The following FHIT variants were observed in gnomAD, a reference collection of about 807,000 sequenced individuals.
FHIT encodes fragile histidine triad diadenosine triphosphatase.
FHIT carries 19 observed loss-of-function variants against 17.9 expected under a neutral mutation model. The ratio of observed to expected loss-of-function variants is 1.06; its 90% CI spans 0.74 to 1.56. The LOEUF is 1.56. FHIT is among the 40% of genes most tolerant of loss of function. The pLI is 0.00. For synonymous variants in FHIT, 81 were observed against 69.7 expected, an observed-to-expected ratio of 1.16 and a Z score of -0.81; for missense variants, 248 against 189.2, an observed-to-expected ratio of 1.31 and a Z score of -1.82.
chr3:60,345,644 G>A (rs1057027515), intron 5 of FHIT, among the ~76,000 whole-genome samples: 8 of 152,120 alleles, frequency 5.3e-5, no homozygotes, highest in Admixed American at 3.3e-4. Context: ...GTAGACTATC[G>A]TCTCAAGATA....
chr3:60,610,417 A>C (rs909101757), intron 4 of FHIT, among the ~76,000 whole-genome samples: 1 of 152,176 alleles, frequency 6.6e-6, no homozygotes, highest in Non-Finnish European at 1.5e-5. Context: ...TGATATGATC[A>C]CCCTGAATGT....
At chr3:60,750,112 T>C (rs2042436846) in intron 4 of FHIT, among the ~76,000 whole-genome samples, 1 of 152,122 alleles carries the variant, frequency 6.6e-6, no homozygotes, top group African/African-American at 2.4e-5. Flanking sequence ...ATCTGACTCA[T>C]GCCTTCATGG....
chr3:60,934,190 G>C (rs1553772553), intron 3 of FHIT, among the ~76,000 whole-genome samples: 1 of 152,080 alleles, frequency 6.6e-6, no homozygotes, highest in Admixed American at 6.6e-5. Context: ...AGAAATCTAG[G>C]CTTTTGCAGT....
At chr3:60,534,403 G>T (rs1267196099) in intron 5 of FHIT, among the ~76,000 whole-genome samples, 1 of 120,070 alleles carries the variant, frequency 8.3e-6, no homozygotes, top group African/African-American at 3.1e-5. Context: ...ACTGCAGTCC[G>T]CAGTCCGGCC....
At chr3:61,092,471 C>G (rs1028011971) in intron 2 of FHIT, among the ~76,000 whole-genome samples, 1 of 151,488 alleles carries the variant, frequency 6.6e-6, no homozygotes, top group East Asian at 1.9e-4. Context: ...CAAAAAGGCC[C>G]CAGAGCTCTA....
intron 4 of FHIT, among the ~76,000 whole-genome samples, chr3:60,740,879 T>C (rs1363944840): frequency 3.9e-5 from 6 of 152,244 alleles, no homozygotes; most frequent in Admixed American, 1.3e-4. Flanking sequence ...TTAGTCACCA[T>C]GAACCAACTC....
chr3:60,125,580 C>T (rs866506744), intron 5 of FHIT, among the ~76,000 whole-genome samples: 1 of 146,606 alleles, frequency 6.8e-6, no homozygotes. Context: ...TGCAGTGAGC[C>T]AAGATCATGC....
intron 5 of FHIT, among the ~76,000 whole-genome samples, chr3:60,035,050 T>C (rs1324002630): frequency 1.3e-5 from 2 of 152,176 alleles, no homozygotes; most frequent in Non-Finnish European, 2.9e-5. Context: ...GATAAAAAGA[T>C]AACACAGAGC....
At chr3:60,661,036 C>A (rs1371900981) in intron 4 of FHIT, among the ~76,000 whole-genome samples, 3 of 151,732 alleles carry the variant, frequency 2.0e-5, no homozygotes, top group Admixed American at 6.6e-5. Context: ...TCTAAGGACA[C>A]TTTGGTTTGT....
At chr3:60,825,064 G>T (rs1480885577) in intron 3 of FHIT, among the ~76,000 whole-genome samples, 6 of 152,146 alleles carry the variant, frequency 3.9e-5, no homozygotes, top group African/African-American at 1.2e-4. Context: ...TGTTGTCCAA[G>T]ATATGAGAAA....
At chr3:60,009,765 A>G (rs1034717514) in intron 7 of FHIT, among the ~76,000 whole-genome samples, 4 of 152,160 alleles carry the variant, frequency 2.6e-5, no homozygotes, top group Non-Finnish European at 2.9e-5. Flanking sequence ...CCCTAAAAGA[A>G]CCTGTATCCA....
chr3:60,839,862 AAAAT>A (rs1242168804), intron 3 of FHIT, among the ~76,000 whole-genome samples: 1 of 152,252 alleles, frequency 6.6e-6, no homozygotes, highest in Non-Finnish European at 1.5e-5. Context: ...AACACAGAAA[AAAAT>A]AAACAGAAGA....
In FHIT at chr3:61,026,841, T is replaced by A. The variant is rs115271091; in HGVS notation, c.-111+15206A>T. On this transcript the variant is annotated intron_variant, in intron 3 of 9. Coordinates refer to ENST00000492590, the MANE Select transcript of FHIT (RefSeq NM_002012.4). ...AAAAAGCAGAGCTAGAATTCAAACC[T>A]CACCTTCCCACATCCTAGCTCTGAT... Among the ~76,000 whole-genome samples the A allele has an allele frequency of 8.2e-3, 1,250 of 152,198 alleles. 22 individuals are homozygous for A. The highest frequency in any genetic ancestry group is 0.028 in the African/African-American group (1,159 of 41,550).
rs139402023 is a variant in FHIT, at chr3:60,548,129, ACGAGAGAGAGAGAG to A, written c.-17-11164_-17-11151del. Among the ~76,000 whole-genome samples the A allele has an allele frequency of 9.9e-3, 479 of 48,496 alleles. 5 individuals carry two copies. The highest frequency in any genetic ancestry group is 0.031 in the African/African-American group (338 of 10,740). 31.8% of individuals were successfully genotyped at this position (48,496 alleles called of 152,430 possible). Reference sequence around the variant, plus strand: ...ATAAAGCAGGCAGAAAAAAAGGAGCACGAGAGAGAGAGAGCGAGAGAGAGAGAGAGAGAGAGACA... The same window carrying A: ...ATAAAGCAGGCAGAAAAAAAGGAGCACGAGAGAGAGAGAGAGAGAGAGACA... On this transcript the variant is annotated intron_variant, in intron 4 of 9. Transcript: ENST00000492590.
chr3:61,213,930 C>G (rs1186770546), intron 1 of FHIT, among the ~76,000 whole-genome samples: 16 of 152,062 alleles, frequency 1.1e-4, no homozygotes, highest in Non-Finnish European at 1.8e-4. Flanking sequence ...GAAATGAAGG[C>G]AGAAATAAAG....
chr3:59,805,315 G>C (rs1260553361), intron 8 of FHIT, among the ~76,000 whole-genome samples: 2 of 152,170 alleles, frequency 1.3e-5, no homozygotes, highest in African/African-American at 2.4e-5. Flanking sequence ...AAAGATAAAA[G>C]TGATGGAGTT....
In FHIT at chr3:60,407,985, A is replaced by T. The variant is rs529445056; in HGVS notation, c.103+128875T>A. Among the ~76,000 whole-genome samples, 28 of 152,318 alleles carry T rather than the reference A, an allele frequency of 1.8e-4. 1 individual carries two copies. The highest frequency in any genetic ancestry group is 1.8e-3 in the Admixed American group (27 of 15,296). On this transcript the variant is annotated intron_variant, in intron 5 of 9. Transcript: ENST00000492590. ...TAACAGAGAAAGTCATATTTCAAGTATCAGTTGCATACTAAACGAAGGCTC... is the reference window on the plus strand; with the variant it reads ...TAACAGAGAAAGTCATATTTCAAGTTTCAGTTGCATACTAAACGAAGGCTC...
At chr3:60,944,005 A>C (rs948744235) in intron 3 of FHIT, among the ~76,000 whole-genome samples, 5 of 152,046 alleles carry the variant, frequency 3.3e-5, no homozygotes, top group Non-Finnish European at 5.9e-5. Context: ...TGTCTCTTCT[A>C]CCTTTCTTCT....
chr3:60,188,482 G>A lies in FHIT; in HGVS notation c.104-174330C>T, dbSNP rs189447624. Reference sequence around the variant, plus strand: ...TGGATTCAATGTGTGTATGCTTTCCGCTGAATGATTCCTTTTTCTCTGGGT... The same window carrying A: ...TGGATTCAATGTGTGTATGCTTTCCACTGAATGATTCCTTTTTCTCTGGGT... On this transcript the variant is annotated intron_variant, in intron 5 of 9. Transcript: ENST00000492590. Among the ~76,000 whole-genome samples, 578 of 152,070 alleles carry A rather than the reference G, an allele frequency of 3.8e-3. 4 individuals carry two copies. The highest frequency in any genetic ancestry group is 0.013 in the African/African-American group (530 of 41,510).
Sources: gnomAD v4.1 joint callset for allele counts (sites outside exome capture counted in the v4.1 genomes callset) on GRCh38, gnomAD v4.1.1 for gene constraint, MANE v1.5 for transcripts, NCBI Gene and HGNC (gene_info 2026-07-23, HGNC 2026-07-21) for gene names.